Variants in FANCC observed in about 807,000 individuals in gnomAD.
FANCC encodes the protein FA complementation group C.
Under a neutral mutation model 71.3 loss-of-function variants are expected in FANCC, and 55 were observed. The observed-to-expected ratio is 0.77, with a 90% CI of 0.62 to 0.97. FANCC has a LOEUF of 0.97. FANCC is among the 50% of genes least tolerant of loss of function. The probability of loss-of-function intolerance (pLI) is 0.00; values close to 1 mark genes in which losing one functional copy is unlikely to be tolerated. For missense variants in FANCC, 678 were observed against 670.9 expected, an observed-to-expected ratio of 1.01 and a Z score of -0.12; for synonymous variants, 275 against 244.9, an observed-to-expected ratio of 1.12 and a Z score of -1.15.
chr9:95,243,155 G>A (rs1046619471), intron 3 of FANCC, among the ~76,000 whole-genome samples: 1 of 152,194 alleles, frequency 6.6e-6, no homozygotes, highest in African/African-American at 2.4e-5. Flanking sequence ...ACTGTTTTAA[G>A]CTGCTAAGTT....
chr9:95,192,102 G>GGGAACAATGGGA (rs1827150090), intron 4 of FANCC, among the ~76,000 whole-genome samples: 2 of 152,256 alleles, frequency 1.3e-5, no homozygotes, highest in South Asian at 4.1e-4. Context: ...TGAAGATGCA[G>GGGAACAATGGGA]GGAACAATGG....
rs2071057622 is a variant in FANCC at position 95,101,115 on chromosome 9, AG to A, written c.*591del. ...CATTTAGCAAATACAGAGTGGAAAG[AG>A]TGTGCCGGAGGCCCGGGCTTGGGTG... On this transcript the variant is annotated 3_prime_UTR_variant, in exon 15 of 15. Coordinates refer to ENST00000289081, the MANE Select transcript of FANCC (RefSeq NM_000136.3). 4 of 240,788 alleles carry A rather than the reference AG, an allele frequency of 1.7e-5. No individual in the cohort carries two copies. The highest frequency in any genetic ancestry group is 8.8e-5 in the African/African-American group (4 of 45,368). The allele number at this position is 240,788 out of a possible 1,614,324, so 14.9% of individuals were successfully genotyped here. A position where few individuals can be genotyped will look rare whatever the true frequency, so the allele number is the denominator to read the frequency against.
chr9:95,265,436 G>A (rs988038234), intron 1 of FANCC, among the ~76,000 whole-genome samples: 1 of 152,142 alleles, frequency 6.6e-6, no homozygotes, highest in East Asian at 1.9e-4. Flanking sequence ...TCACCACAGC[G>A]CTTGCCATCG....
At chr9:95,252,973 G>A (rs150397748) in intron 1 of FANCC, among the ~76,000 whole-genome samples, 198 of 151,726 alleles carry the variant, frequency 1.3e-3, no homozygotes, top group African/African-American at 4.5e-3. Flanking sequence ...CAGGAGGATC[G>A]CTTGGACCCA....
intron 1 of FANCC, among the ~76,000 whole-genome samples, chr9:95,276,748 C>T (rs1833063820): frequency 6.6e-6 from 1 of 152,202 alleles, no homozygotes; most frequent in Non-Finnish European, 1.5e-5. Flanking sequence ...GGTTCATCAA[C>T]CAGTACAAAG....
At chr9:95,256,166 C>T (rs1231713758) in intron 1 of FANCC, among the ~76,000 whole-genome samples, 4 of 152,124 alleles carry the variant, frequency 2.6e-5, no homozygotes, top group African/African-American at 7.2e-5. Flanking sequence ...GACAGGCCAA[C>T]ATTCAAATTC....
intron 4 of FANCC, among the ~76,000 whole-genome samples, chr9:95,182,408 T>C (rs1440203066): frequency 3.9e-5 from 6 of 152,048 alleles, no homozygotes; most frequent in Non-Finnish European, 7.4e-5. Context: ...TAGTCCCAGC[T>C]ACTCGGGAGG....
chr9:95,240,842 G>C, intron 3 of FANCC, 99 bp from the exon 4 acceptor site: 1 of 740,872 alleles, frequency 1.3e-6, no homozygotes, highest in South Asian at 1.5e-5. Context: ...AAACTACTAA[G>C]TTCACAGAAC....
At chr9:95,227,407 A>G (rs1326713689) in intron 4 of FANCC, among the ~76,000 whole-genome samples, 1 of 152,230 alleles carries the variant, frequency 6.6e-6, no homozygotes, top group Admixed American at 6.5e-5. Flanking sequence ...AACCACAGAC[A>G]CAAGCTACAT....
intron 1 of FANCC, among the ~76,000 whole-genome samples, chr9:95,272,525 G>A (rs965891908): frequency 2.0e-5 from 3 of 151,950 alleles, no homozygotes; most frequent in Non-Finnish European, 4.4e-5. Context: ...GTGAAACCCT[G>A]TCACTACTAA....
rs775436297 is a variant in FANCC at position 95,291,947 on chromosome 9, C to CA, written c.-79+25578dup. ...TAGGTGAGAGAGTGAGACTCTGTCT[C>CA]AAAAAAAAAAAAAAAAAAAAATATA... On this transcript the variant is annotated intron_variant, in intron 1 of 14. Coordinates refer to ENST00000289081, the MANE Select transcript of FANCC (RefSeq NM_000136.3). 2.8e-3 allele frequency among the ~76,000 whole-genome samples: 114 copies of CA among 40,814 alleles called. 3 individuals are homozygous for CA. Among genetic ancestry groups the CA allele is most frequent in the African/African-American group, 8.6e-3 (83 of 9,640 alleles). 26.8% of individuals were successfully genotyped at this position (40,814 alleles called of 152,430 possible).
intron 4 of FANCC, among the ~76,000 whole-genome samples, chr9:95,230,416 A>G (rs763062487): frequency 4.0e-4 from 61 of 152,126 alleles, no homozygotes; most frequent in Non-Finnish European, 7.9e-4. Context: ...CCAGTTTCCA[A>G]TGCAAAATTA....
chr9:95,264,661 C>A (rs1832279389), intron 1 of FANCC, among the ~76,000 whole-genome samples: 1 of 151,928 alleles, frequency 6.6e-6, no homozygotes. Context: ...AAATAAGCAC[C>A]AAACAGGAGA....
intron 1 of FANCC, among the ~76,000 whole-genome samples, chr9:95,250,996 A>G (rs895352008): frequency 6.6e-6 from 1 of 152,190 alleles, no homozygotes; most frequent in Admixed American, 6.5e-5. Flanking sequence ...TGGCTCCAGC[A>G]CCGTCTCTGA....
chr9:95,309,936 C>A (rs903767033), intron 1 of FANCC, among the ~76,000 whole-genome samples: 3 of 152,166 alleles, frequency 2.0e-5, no homozygotes, highest in African/African-American at 7.2e-5. Context: ...CTGGAAATAA[C>A]CTGCTTAAAA....
chr9:95,292,408 C>T (rs1313764692), intron 1 of FANCC: 9 of 1,067,076 alleles, frequency 8.4e-6, no homozygotes, highest in Admixed American at 5.5e-5. Flanking sequence ...GCCGTCCCGG[C>T]GGCCACGAGA....
At position 95,203,334 on chromosome 9, in the gene FANCC, G is replaced by T. The variant is rs549823262; in HGVS notation, c.346-31187C>A. ...GGATCGCTTGAGCCCAGAGCTGGAG[G>T]GCACTTCAGCCTCGTGGCTGGGTGA... On this transcript the variant is annotated intron_variant, in intron 4 of 14. Coordinates refer to ENST00000289081, the MANE Select transcript of FANCC (RefSeq NM_000136.3). 8.2e-5 allele frequency among the ~76,000 whole-genome samples: 11 copies of T among 133,678 alleles called. No individual in the cohort carries two copies. The East Asian group carries it at 2.6e-3, about 31-fold the overall frequency. 87.7% of individuals were successfully genotyped at this position (133,678 alleles called of 152,430 possible).
chr9:95,139,088 GGCCGA>G (rs1471489520), intron 7 of FANCC, among the ~76,000 whole-genome samples: 1 of 152,196 alleles, frequency 6.6e-6, no homozygotes, highest in Non-Finnish European at 1.5e-5. Context: ...AACAGAATTT[GGCCGA>G]GCCAACATAT....
At chr9:95,247,003 GACTTT>G (rs992947502) in intron 3 of FANCC, among the ~76,000 whole-genome samples, 2 of 152,162 alleles carry the variant, frequency 1.3e-5, no homozygotes, top group African/African-American at 4.8e-5. Flanking sequence ...TCTGAAGAAT[GACTTT>G]ACAACATGGG....
Sources: allele counts gnomAD v4.1 joint callset (sites outside exome capture counted in the v4.1 genomes callset), GRCh38; gene constraint gnomAD v4.1.1; transcripts MANE v1.5; gene names NCBI Gene and HGNC (gene_info 2026-07-23, HGNC 2026-07-21).